The following TRAK2 variants were observed in gnomAD, a reference collection of about 807,000 sequenced individuals.
TRAK2 encodes trafficking kinesin-binding protein 2.
In TRAK2, 81 loss-of-function variants were observed where a neutral mutation model predicts 104.6. That is an observed-to-expected ratio of 0.77 (90% confidence interval 0.65 to 0.93). The LOEUF (loss-of-function observed/expected upper bound fraction) is 0.93, where lower values mean the gene tolerates loss of function less well. Among genes scored for constraint, TRAK2 ranks in the 40% least tolerant of loss-of-function variants. TRAK2 has a pLI of 0.00. For synonymous variants in TRAK2, 406 were observed against 394.4 expected, an observed-to-expected ratio of 1.03 and a Z score of -0.35; for missense variants, 1,002 against 1,089.0, an observed-to-expected ratio of 0.92 and a Z score of 1.12.
intron 2 of TRAK2, among the ~76,000 whole-genome samples, chr2:201,415,435 A>C (rs962031760): frequency 6.6e-6 from 1 of 152,224 alleles, no homozygotes; most frequent in Non-Finnish European, 1.5e-5. Context: ...TGACAGAAAT[A>C]ACAGAATTAA....
intron 1 of TRAK2, among the ~76,000 whole-genome samples, chr2:201,448,058 G>A (rs994849294): frequency 2.0e-5 from 3 of 152,234 alleles, no homozygotes; most frequent in Non-Finnish European, 4.4e-5. Context: ...GAAGGAAAAT[G>A]AAAGAAAGAA....
At chr2:201,424,143 C>G (rs541207655) in intron 1 of TRAK2, among the ~76,000 whole-genome samples, 19 of 152,270 alleles carry the variant, frequency 1.2e-4, no homozygotes, top group African/African-American at 4.6e-4. Context: ...AATAAAGAGT[C>G]ACACCTTGAA....
At chr2:201,413,637 G>A (rs2540336) in intron 2 of TRAK2, among the ~76,000 whole-genome samples, 147,482 of 152,036 alleles carry the variant, frequency 0.97, 71,692 homozygotes, top group East Asian at 1. Context: ...AGACACTTTC[G>A]GAAACCATCC....
At chr2:201,445,407 G>C (rs1211294774) in intron 1 of TRAK2, among the ~76,000 whole-genome samples, 1 of 152,170 alleles carries the variant, frequency 6.6e-6, no homozygotes, top group Non-Finnish European at 1.5e-5. Context: ...CCCAAAGGGA[G>C]GTTAAAGATT....
intron 2 of TRAK2, among the ~76,000 whole-genome samples, chr2:201,413,725 G>C (rs1313893238): frequency 1.3e-5 from 2 of 151,848 alleles, no homozygotes; most frequent in African/African-American, 4.8e-5. Context: ...CCAGACCTGG[G>C]TCTCGACTTC....
chr2:201,425,249 T>C (rs534937830), intron 1 of TRAK2, among the ~76,000 whole-genome samples: 53 of 152,330 alleles, frequency 3.5e-4, no homozygotes, highest in Admixed American at 2.4e-3. Flanking sequence ...ATTTCCTAGA[T>C]TAACTTCTTA....
chr2:201,437,179 C>T (rs192841611), intron 1 of TRAK2, among the ~76,000 whole-genome samples: 3 of 152,260 alleles, frequency 2.0e-5, no homozygotes, highest in Admixed American at 6.5e-5. Flanking sequence ...TGAGATATGG[C>T]TACTGGCTAT....
At chr2:201,433,896 T>C (rs185512596) in intron 1 of TRAK2, among the ~76,000 whole-genome samples, 4 of 152,220 alleles carry the variant, frequency 2.6e-5, no homozygotes, top group African/African-American at 7.2e-5. Context: ...TCTTCGCCTC[T>C]GGCTGATTGT....
intron 2 of TRAK2, chr2:201,412,485 C>G (rs1951656311): frequency 8.7e-7 from 1 of 1,153,176 alleles, no homozygotes; most frequent in South Asian, 1.3e-5. Context: ...TACTGAAACT[C>G]TTATAAATGT....
At position 201,377,468 on chromosome 2, in the gene TRAK2, C is replaced by T. The variant is rs1951298983; in HGVS notation, c.*3075G>A. On this transcript the variant is annotated 3_prime_UTR_variant, in exon 16 of 16. Coordinates refer to ENST00000332624, the MANE Select transcript of TRAK2 (RefSeq NM_015049.3). ...GACATCAGAGAAGTGGCCCACTAAA[C>T]ACTAAGAGCCCTAGTTCTAGATGTC... The T allele has an allele frequency of 6.6e-6, 1 of 152,254 alleles. No homozygotes were observed. Among genetic ancestry groups the T allele is most frequent in the Admixed American group, 6.5e-5 (1 of 15,278 alleles). 9.4% of individuals were successfully genotyped at this position (152,254 alleles called of 1,614,324 possible).
At position 201,378,607 on chromosome 2, in the gene TRAK2, A is replaced by C. The variant is rs1471293722; in HGVS notation, c.*1936T>G. ...GTGAATTGGAATATGCGGGAAATTT[A>C]AACAGCAGGGATTCTTCTATTTAAT... On this transcript the variant is annotated 3_prime_UTR_variant, in exon 16 of 16. Coordinates refer to ENST00000332624, the MANE Select transcript of TRAK2 (RefSeq NM_015049.3). 1 of 152,198 alleles carries C rather than the reference A, an allele frequency of 6.6e-6. No individual in the cohort carries two copies. Among genetic ancestry groups the C allele is most frequent in the Non-Finnish European group, 1.5e-5 (1 of 68,032 alleles). The allele number at this position is 152,198 out of a possible 1,614,324, so 9.4% of individuals were successfully genotyped here.
chr2:201,430,900 C>T (rs751510843), intron 1 of TRAK2, among the ~76,000 whole-genome samples: 1 of 152,170 alleles, frequency 6.6e-6, no homozygotes, highest in East Asian at 1.9e-4. Context: ...CTGTCTTCTG[C>T]GTCACTCACG....
intron 2 of TRAK2, among the ~76,000 whole-genome samples, chr2:201,413,621 G>A (rs901088431): frequency 2.0e-5 from 3 of 151,968 alleles, no homozygotes; most frequent in Admixed American, 6.6e-5. Flanking sequence ...GAGTATTAAA[G>A]GTAGAAGACA....
intron 10 of TRAK2, among the ~76,000 whole-genome samples, chr2:201,391,711 G>A (rs1190868467): frequency 6.6e-6 from 1 of 152,162 alleles, no homozygotes; most frequent in Admixed American, 6.5e-5. Flanking sequence ...CACCTGCAAT[G>A]GGCTAAACAG....
In TRAK2 at chr2:201,407,548, T is replaced by C. The variant is rs766512254; in HGVS notation, c.141A>G (p.Leu47=). 4 of 1,614,066 alleles carry C rather than the reference T, an allele frequency of 2.5e-6. No homozygotes were observed. In the South Asian group the frequency reaches 4.4e-5, roughly 18 times the overall value. ...DLPEVELVSL[L]EEQLPQYRLK... ...GCCTATACTGTGGTAGTTGTTCTTC[T>C]AGCAGACTCACCAGCTCAACTTCAG... The change falls in exon 3 of 16, where the codon CTA becomes CTG. Residue 47 remains leucine (L), a synonymous_variant. Transcript: ENST00000332624.
chr2:201,412,978 C>A, intron 2 of TRAK2: 1 of 773,014 alleles, frequency 1.3e-6, no homozygotes, highest in Non-Finnish European at 2.4e-6. Context: ...CCAAGCAATC[C>A]CTGGATTCTT....
At chr2:201,405,534 G>A (rs191312586) in intron 3 of TRAK2, among the ~76,000 whole-genome samples, 62 of 152,308 alleles carry the variant, frequency 4.1e-4, no homozygotes, top group African/African-American at 1.3e-3. Flanking sequence ...TGTAGGTGGA[G>A]TAGGGGGCCC....
Position 201,386,086 on chromosome 2 carries a change from T to C in TRAK2, c.1963+132A>G, listed in dbSNP as rs1559436940. 1.4e-5 allele frequency: 14 copies of C among 969,074 alleles called. No individual in the cohort carries two copies. In the South Asian group the frequency reaches 1.5e-4, roughly 10 times the overall value. The allele number at this position is 969,074 out of a possible 1,614,324, so 60.0% of individuals were successfully genotyped here. A position where few individuals can be genotyped will look rare whatever the true frequency, so the allele number is the denominator to read the frequency against. On this transcript the variant is annotated intron_variant, in intron 14 of 15. Transcript: ENST00000332624. Reference sequence around the variant, plus strand: ...AGAATTAGGAATGCCACTAATGCTATAGATTTTCATTATCTGATATGCAAG... The same window carrying C: ...AGAATTAGGAATGCCACTAATGCTACAGATTTTCATTATCTGATATGCAAG...
intron 7 of TRAK2, among the ~76,000 whole-genome samples, chr2:201,397,075 C>T (rs1018206272): frequency 5.3e-5 from 8 of 152,118 alleles, no homozygotes; most frequent in Non-Finnish European, 8.8e-5. Flanking sequence ...AACTAAAACA[C>T]ATTCCTTTAA....
Sources: gnomAD v4.1 joint callset for allele counts (sites outside exome capture counted in the v4.1 genomes callset) on GRCh38, gnomAD v4.1.1 for gene constraint, MANE v1.5 for transcripts, NCBI Gene and HGNC (gene_info 2026-07-23, HGNC 2026-07-21) for gene names.